The following MAPK8IP3 variants were observed in gnomAD, a reference collection of about 807,000 sequenced individuals.
The protein encoded by MAPK8IP3 is C-Jun-amino-terminal kinase-interacting protein 3.
MAPK8IP3 carries 49 observed loss-of-function variants against 157.8 expected under a neutral mutation model. That is an observed-to-expected ratio of 0.31 (90% CI 0.25 to 0.39). The LOEUF (loss-of-function observed/expected upper bound fraction) is 0.39, where lower values mean the gene tolerates loss of function less well. MAPK8IP3 is among the 10% of genes least tolerant of loss of function. The probability of loss-of-function intolerance (pLI) is 1.00; values close to 1 mark genes in which losing one functional copy is unlikely to be tolerated. For missense variants in MAPK8IP3, 1,478 were observed against 1,889.4 expected (o/e 0.78, Z 4.04); for synonymous variants, 897 against 777.7 (o/e 1.15, Z -2.55).
At chr16:1,756,711 A>T (rs2041622172) in intron 8 of MAPK8IP3, among the ~76,000 whole-genome samples, 1 of 151,274 alleles carries the variant, frequency 6.6e-6, no homozygotes, top group Admixed American at 6.6e-5. Context: ...AGACTCAGCT[A>T]CTCAGGAGGC....
chr16:1,749,000 C>T (rs1440836542), intron 8 of MAPK8IP3: 1 of 523,136 alleles, frequency 1.9e-6, no homozygotes, highest in Non-Finnish European at 3.6e-6. Flanking sequence ...TAAATCACCT[C>T]TAGGTTATGT....
rs1301570070 is a variant in MAPK8IP3, at chr16:1,770,325, G to A, written c.*1501G>A. ...AAATGTCTTAACGTCGTAGCTGCCT[G>A]TTCCTGGGCCCAAATCGAAACGAAA... On this transcript the variant is annotated 3_prime_UTR_variant, in exon 32 of 32. Coordinates refer to ENST00000610761, the MANE Select transcript of MAPK8IP3 (RefSeq NM_001318852.2). 7 of 311,956 alleles carry A rather than the reference G, an allele frequency of 2.2e-5. No homozygotes were observed. The East Asian group carries it at 2.6e-4, about 12-fold the overall frequency. 19.3% of individuals were successfully genotyped at this position (311,956 alleles called of 1,614,324 possible). A position where few individuals can be genotyped will look rare whatever the true frequency, so the allele number is the denominator to read the frequency against.
intron 10 of MAPK8IP3, 94 bp downstream of exon 10, chr16:1,759,089 GAC>G: frequency 6.5e-7 from 1 of 1,549,578 alleles, no homozygotes; most frequent in South Asian, 1.1e-5. Context: ...GCATGATGGG[GAC>G]AGTGTTGGGG....
At chr16:1,717,235 CAAAAAAAA>C (rs1169533483) in intron 1 of MAPK8IP3, among the ~76,000 whole-genome samples, 1 of 60,406 alleles carries the variant, frequency 1.7e-5, no homozygotes, top group Non-Finnish European at 4.0e-5. Context: ...AACTCCATCT[CAAAAAAAA>C]AAAAAAAAAA....
chr16:1,715,257 G>A (rs1217707231), intron 1 of MAPK8IP3, among the ~76,000 whole-genome samples: 2 of 152,084 alleles, frequency 1.3e-5, no homozygotes, highest in African/African-American at 2.4e-5. Flanking sequence ...AGCCCCACAC[G>A]TAATACCTGA....
Position 1,768,266 on chromosome 16 carries a change from T to C in MAPK8IP3, c.3630T>C (p.Asp1210=). The C allele has an allele frequency of 6.2e-7, 1 of 1,612,000 alleles. No homozygotes were observed. ...RPGGIIHVYG[D]DSSDRAASSF... is the part of the protein sequence containing the mutation. ...GGGGCATCATCCACGTGTATGGCGA[T>C]GACAGCAGTGACAGGGCGGCCAGCA... is the stretch of plus-strand genomic sequence containing the variant. Residue 1210 remains aspartate (D), a synonymous_variant, in exon 30 of 32, where the codon GAT becomes GAC. Coordinates refer to ENST00000610761, the MANE Select transcript of MAPK8IP3 (RefSeq NM_001318852.2).
At chr16:1,758,213 T>G in intron 9 of MAPK8IP3, 54 bp downstream of exon 9, 1 of 1,604,272 alleles carries the variant, frequency 6.2e-7, no homozygotes, top group Non-Finnish European at 8.5e-7. Flanking sequence ...GGGGAGTGGG[T>G]GGACGGGGGA....
intron 4 of MAPK8IP3, among the ~76,000 whole-genome samples, chr16:1,737,891 CGT>C (rs1446889233): frequency 2.6e-3 from 141 of 54,894 alleles, no homozygotes; most frequent in East Asian, 9.6e-3. Flanking sequence ...TGTGAGCATC[CGT>C]GTGAGCGTGT....
intron 8 of MAPK8IP3, among the ~76,000 whole-genome samples, chr16:1,753,936 G>C (rs1263588060): frequency 6.6e-6 from 1 of 151,844 alleles, no homozygotes; most frequent in African/African-American, 2.4e-5. Flanking sequence ...CACTCTGGGA[G>C]GCCGAGGCGG....
chr16:1,747,713 T>C (rs564178912), intron 6 of MAPK8IP3, among the ~76,000 whole-genome samples: 1 of 151,376 alleles, frequency 6.6e-6, no homozygotes, highest in South Asian at 2.1e-4. Context: ...ACAGCCCCAC[T>C]AACCAGTAAC....
At chr16:1,729,368 C>A in intron 3 of MAPK8IP3, 119 bp from the exon 4 acceptor site, 1 of 1,259,480 alleles carries the variant, frequency 7.9e-7, no homozygotes, top group East Asian at 2.4e-5. Context: ...GTTAGATTCC[C>A]CTCCAGGACG....
rs2076429 is a variant in MAPK8IP3 at position 1,767,934 on chromosome 16, A to T, written c.3523+16A>T. On this transcript the variant is annotated intron_variant, in intron 28 of 31. Coordinates refer to ENST00000610761, the MANE Select transcript of MAPK8IP3 (RefSeq NM_001318852.2). ...CTGACAGAGAGTGAGTGGCCTGCAC[A>T]CCTGCAGGGGCAGTGGTGCTGCCAG... is the stretch of plus-strand genomic sequence containing the variant. 1.1e-4 allele frequency: 176 copies of T among 1,608,698 alleles called. No individual in the cohort carries two copies. Among genetic ancestry groups the T allele is most frequent in the Middle Eastern group, 8.3e-4 (5 of 6,058 alleles).
intron 3 of MAPK8IP3, 26 bp from the exon 4 acceptor site, chr16:1,729,461 T>C (rs763926900): frequency 1.8e-5 from 28 of 1,599,986 alleles, no homozygotes; most frequent in Non-Finnish European, 2.4e-5. Flanking sequence ...ACGGCAGCGC[T>C]AATGCAGGCG....
At chr16:1,712,907 C>T (rs1377969032) in intron 1 of MAPK8IP3, among the ~76,000 whole-genome samples, 1 of 152,248 alleles carries the variant, frequency 6.6e-6, no homozygotes, top group East Asian at 1.9e-4. Flanking sequence ...GCCTCTCTCC[C>T]GGCTTCCGCA....
chr16:1,711,322 C>T (rs2037757130), intron 1 of MAPK8IP3, among the ~76,000 whole-genome samples: 1 of 152,136 alleles, frequency 6.6e-6, no homozygotes, highest in African/African-American at 2.4e-5. Flanking sequence ...CTCTTATTGA[C>T]CTTGACCATT....
chr16:1,731,112 C>T (rs141628129), intron 4 of MAPK8IP3, among the ~76,000 whole-genome samples: 1 of 152,164 alleles, frequency 6.6e-6, no homozygotes, highest in African/African-American at 2.4e-5. Context: ...AGCACTCCAG[C>T]CTGGGCGACA....
intron 1 of MAPK8IP3, among the ~76,000 whole-genome samples, chr16:1,716,896 A>G (rs1382062978): frequency 2.6e-5 from 4 of 151,978 alleles, no homozygotes; most frequent in Non-Finnish European, 5.9e-5. Flanking sequence ...CATCTTTACT[A>G]AAAATAAAAA....
At chr16:1,737,990 C>G (rs1371130319) in intron 4 of MAPK8IP3, among the ~76,000 whole-genome samples, 1 of 57,322 alleles carries the variant, frequency 1.7e-5, no homozygotes, top group Non-Finnish European at 3.1e-5. Context: ...GTCCGTGTGA[C>G]CATCCATGTG....
At chr16:1,707,161 A>C in intron 1 of MAPK8IP3, 1 of 154,948 alleles carries the variant, frequency 6.5e-6, no homozygotes, top group Non-Finnish European at 1.4e-5. Flanking sequence ...TTCTAAACCC[A>C]TCTAGAAAAG....
Sources: allele counts gnomAD v4.1 joint callset (sites outside exome capture counted in the v4.1 genomes callset), GRCh38; gene constraint gnomAD v4.1.1; transcripts MANE v1.5; gene names NCBI Gene and HGNC (gene_info 2026-07-23, HGNC 2026-07-21).